Variants in USP48 observed in about 807,000 individuals in gnomAD.
USP48 encodes the protein ubiquitin carboxyl-terminal hydrolase 48.
USP48 carries 43 observed loss-of-function variants against 150.7 expected under a neutral mutation model. The ratio of observed to expected loss-of-function variants is 0.29; its 90% CI spans 0.22 to 0.37. The LOEUF (loss-of-function observed/expected upper bound fraction) is 0.37. Among genes scored for constraint, USP48 ranks in the 10% least tolerant of loss-of-function variants. USP48 has a pLI of 1.00. For synonymous variants in USP48, 396 were observed against 425.9 expected (o/e 0.93, Z 0.86); for missense variants, 813 against 1,249.6 (o/e 0.65, Z 5.27).
At chr1:21,699,886 G>A (rs983389002) in intron 22 of USP48, among the ~76,000 whole-genome samples, 2 of 151,272 alleles carry the variant, frequency 1.3e-5, no homozygotes, top group Admixed American at 6.6e-5. Flanking sequence ...AATGTGGCTC[G>A]AAAGATGGCT....
intron 1 of USP48, among the ~76,000 whole-genome samples, chr1:21,782,448 A>G (rs1174821789): frequency 6.6e-6 from 1 of 152,244 alleles, no homozygotes; most frequent in African/African-American, 2.4e-5. Context: ...CGGTGTCAAC[A>G]CCAACAAGAT....
Position 21,718,564 on chromosome 1 carries a change from C to CTT in USP48, c.1894+2470_1894+2471dup, listed in dbSNP as rs5772963. On this transcript the variant is annotated intron_variant, in intron 14 of 26. Coordinates refer to ENST00000308271, the MANE Select transcript of USP48 (RefSeq NM_032236.8). Reference sequence around the variant, plus strand: ...CACTGATATATAAAGAGGCCTTTTTCTTTTTTTTTTTTGAGACGGTGTCGT... The same window carrying CTT: ...CACTGATATATAAAGAGGCCTTTTTCTTTTTTTTTTTTTTGAGACGGTGTCGT... Among the ~76,000 whole-genome samples, 849 of 146,894 alleles carry CTT rather than the reference C, an allele frequency of 5.8e-3. 4 individuals are homozygous for CTT. The highest frequency in any genetic ancestry group is 0.019 in the African/African-American group (762 of 40,050).
intron 25 of USP48, among the ~76,000 whole-genome samples, chr1:21,681,831 T>C (rs2097566736): frequency 6.6e-6 from 1 of 152,184 alleles, no homozygotes; most frequent in Non-Finnish European, 1.5e-5. Flanking sequence ...TGTGTTTCAT[T>C]TTCTCTGTAT....
intron 8 of USP48, among the ~76,000 whole-genome samples, chr1:21,746,559 A>T (rs2097794988): frequency 6.6e-6 from 1 of 152,206 alleles, no homozygotes; most frequent in Non-Finnish European, 1.5e-5. Context: ...TAGGATGAAG[A>T]CTACCAAAAG....
chr1:21,679,327 T>C lies in USP48; in HGVS notation c.*90A>G. 1 of 1,534,058 alleles carries C rather than the reference T, an allele frequency of 6.5e-7. No homozygotes were observed. Reference sequence around the variant, plus strand: ...TTGGAAGGGGCATGTAATGGTTTAATTCTTAAATCCACCTTTGCTTTAATG... The same window carrying C: ...TTGGAAGGGGCATGTAATGGTTTAACTCTTAAATCCACCTTTGCTTTAATG... On this transcript the variant is annotated 3_prime_UTR_variant, in exon 27 of 27. Transcript: ENST00000308271.
At chr1:21,770,249 C>G (rs2097875533) in intron 1 of USP48, among the ~76,000 whole-genome samples, 1 of 150,984 alleles carries the variant, frequency 6.6e-6, no homozygotes, top group South Asian at 2.1e-4. Flanking sequence ...TGAAAGAAAA[C>G]AGAAGCAGAA....
Position 21,706,539 on chromosome 1 carries a change from T to C in USP48, c.2139A>G (p.Ala713=). The C allele has an allele frequency of 6.2e-7, 1 of 1,614,222 alleles. No homozygotes were observed. Among genetic ancestry groups the C allele is most frequent in the East Asian group, 2.2e-5 (1 of 44,892 alleles). Residue 713 remains alanine (A), a synonymous_variant, in exon 17 of 27, where the codon GCA becomes GCG. Coordinates refer to ENST00000308271, the MANE Select transcript of USP48 (RefSeq NM_032236.8). The part of the protein sequence containing the change: ...EENEALHKMI[A]NEQKTSLPNL... ...TTGGGAGAGAAGTCTTTTGCTCGTT[T>C]GCAATCATCTTATGTAAGGCTTCAT...
intron 1 of USP48, among the ~76,000 whole-genome samples, chr1:21,771,361 A>C (rs2097879819): frequency 6.6e-6 from 1 of 150,426 alleles, no homozygotes. Flanking sequence ...GCGACAGAGC[A>C]AGACTCCATC....
At position 21,752,519 on chromosome 1, in the gene USP48, A is replaced by G; in HGVS notation, c.665+8T>C. The G allele has an allele frequency of 6.2e-7, 1 of 1,603,356 alleles. No homozygotes were observed. Among genetic ancestry groups the G allele is most frequent in the Non-Finnish European group, 8.5e-7 (1 of 1,177,662 alleles). ...AAATGTACCATGAAAAAGTTGAAAC[A>G]GACTTACACAGTTACATAGGCATAT... is the stretch of plus-strand genomic sequence containing the variant. On this transcript the variant is annotated splice_region_variant and intron_variant, in intron 5 of 26. Transcript: ENST00000308271.
intron 8 of USP48, 32 bp from the exon 9 acceptor site, chr1:21,736,657 T>C (rs369802665): frequency 2.5e-4 from 346 of 1,368,008 alleles, no homozygotes; most frequent in Non-Finnish European, 3.1e-4. Flanking sequence ...AAAAGAAACG[T>C]TGGATAACAG....
At chr1:21,699,356 G>T (rs1348053790) in intron 22 of USP48, among the ~76,000 whole-genome samples, 1 of 149,704 alleles carries the variant, frequency 6.7e-6, no homozygotes, top group African/African-American at 2.5e-5. Context: ...CCGCCACCAC[G>T]CCCGGCTAAT....
chr1:21,723,879 A>G lies in USP48; in HGVS notation c.1648+19T>C. The stretch of plus-strand genomic sequence containing the variant: ...TAATGAGCTGCTCTTTTTTAAACAG[A>G]GAGGACATCTTGAATTACCAGTTAG... On this transcript the variant is annotated intron_variant, in intron 12 of 26. Transcript: ENST00000308271. The G allele has an allele frequency of 6.2e-7, 1 of 1,602,364 alleles. No individual in the cohort carries two copies. Among genetic ancestry groups the G allele is most frequent in the Non-Finnish European group, 8.5e-7 (1 of 1,171,014 alleles).
chr1:21,728,612 C>T lies in USP48; in HGVS notation c.1408G>A (p.Glu470Lys), dbSNP rs765982927. Residue 470 changes from glutamate to lysine, a missense_variant, in exon 11 of 27, where the codon GAA (glutamate) becomes AAA (lysine). Glu to Lys is a moderately conservative substitution (Grantham distance 56). Transcript: ENST00000308271. ...CTTTGGTACAGCTCCTTAACCTCTT[C>T]GTGTTTTGCTTTTCCTTTATCCACA... ...QSVDKGKAKH[E>K]EVKELYQRLP... 30 of 1,614,008 alleles carry T rather than the reference C, an allele frequency of 1.9e-5. No homozygotes were observed. The highest frequency in any genetic ancestry group is 2.2e-5 in the Non-Finnish European group (26 of 1,180,010).
chr1:21,704,524 G>A (rs867950403), intron 19 of USP48, 132 bp from the exon 20 acceptor site: 90 of 988,754 alleles, frequency 9.1e-5, no homozygotes, highest in Middle Eastern at 2.5e-4. Flanking sequence ...GAAAAGATAC[G>A]TATCATCAAC....
At chr1:21,694,884 C>T (rs557404564) in intron 23 of USP48, among the ~76,000 whole-genome samples, 182 bp downstream of exon 23, 1 of 152,182 alleles carries the variant, frequency 6.6e-6, no homozygotes, top group East Asian at 1.9e-4. Context: ...CAGAACCAGC[C>T]CAAGTTTCCA....
At chr1:21,682,218 C>A (rs926206807) in intron 25 of USP48, among the ~76,000 whole-genome samples, 2 of 152,192 alleles carry the variant, frequency 1.3e-5, no homozygotes, top group Non-Finnish European at 2.9e-5. Flanking sequence ...TAGATTGGAA[C>A]TTGCTTTCCC....
chr1:21,778,447 A>C (rs2097905715), intron 1 of USP48, among the ~76,000 whole-genome samples: 1 of 151,888 alleles, frequency 6.6e-6, no homozygotes, highest in Non-Finnish European at 1.5e-5. Flanking sequence ...TAGCGCAGCC[A>C]CTCTGGAAAG....
chr1:21,721,279 T>C, intron 13 of USP48, 113 bp from the exon 14 acceptor site: 2 of 1,394,710 alleles, frequency 1.4e-6, no homozygotes, highest in Non-Finnish European at 9.6e-7. Context: ...CATCAGCTAC[T>C]GTACATGTAA....
In USP48 at chr1:21,695,386, C is replaced by T. The variant is rs1320152316; in HGVS notation, c.2728-165G>A. ...AAACTAACGAGACTTTCTTAGCAGG[C>T]TCACATAAAATTGATAAAAGAAAAT... is the stretch of plus-strand genomic sequence containing the variant. On this transcript the variant is annotated intron_variant, in intron 22 of 26. Coordinates refer to ENST00000308271, the MANE Select transcript of USP48 (RefSeq NM_032236.8). Among the ~76,000 whole-genome samples, 14 of 152,154 alleles carry T rather than the reference C, an allele frequency of 9.2e-5. No homozygotes were observed. The East Asian group carries it at 2.7e-3, about 29-fold the overall frequency.
Sources: gnomAD v4.1 joint callset for allele counts (sites outside exome capture counted in the v4.1 genomes callset) on GRCh38, gnomAD v4.1.1 for gene constraint, MANE v1.5 for transcripts, NCBI Gene and HGNC (gene_info 2026-07-23, HGNC 2026-07-21) for gene names.